Variants in FHIP1A observed in about 807,000 individuals in gnomAD.
FHIP1A encodes FHF complex subunit HOOK interacting protein 1A.
Under a neutral mutation model 88.6 loss-of-function variants are expected in FHIP1A, and 61 were observed. The ratio of observed to expected loss-of-function variants is 0.69; its 90% CI spans 0.56 to 0.85. FHIP1A has a LOEUF of 0.85. Among genes scored for constraint, FHIP1A ranks in the 40% least tolerant of loss-of-function variants. The pLI is 0.00. For missense variants in FHIP1A, 1,154 were observed against 1,273.5 expected (o/e 0.91, Z 1.43); for synonymous variants, 478 against 496.0 (o/e 0.96, Z 0.48).
rs962759440 is a variant in FHIP1A, at chr4:151,586,898, A to C, written c.891+99A>C. 12 of 930,096 alleles carry C rather than the reference A, an allele frequency of 1.3e-5. No homozygotes were observed. The African/African-American group carries it at 2.0e-4, about 15-fold the overall frequency. The allele number at this position is 930,096 out of a possible 1,614,324, so 57.6% of individuals were successfully genotyped here. A position where few individuals can be genotyped will look rare whatever the true frequency, so the allele number is the denominator to read the frequency against. The stretch of plus-strand genomic sequence containing the variant: ...AAAACGTTCATTTTTTAAAATGTTA[A>C]TAAATGTTTATGGAATATTGGTGCT... On this transcript the variant is annotated intron_variant, in intron 6 of 13. Transcript: ENST00000435205.
At position 151,629,816 on chromosome 4, in the gene FHIP1A, G is replaced by A. The variant is rs1324578136; in HGVS notation, c.1093G>A (p.Glu365Lys). The A allele has an allele frequency of 6.4e-6, 10 of 1,551,336 alleles. No individual in the cohort carries two copies. The highest frequency in any genetic ancestry group is 2.4e-5 in the East Asian group (1 of 40,934). The change falls in exon 8 of 14, where the codon GAG becomes AAG. Residue 365 changes from glutamate (E) to lysine (K), a missense_variant. By Grantham distance (56) the Glu-to-Lys change is moderately conservative. Transcript: ENST00000435205. Reference sequence around the variant, plus strand: ...CCGTTTTATCCTATTGCACCAGCACGAGAATGTCCACATCCTAGACACTCT... The same window carrying A: ...CCGTTTTATCCTATTGCACCAGCACAAGAATGTCCACATCCTAGACACTCT... Reference protein sequence around the residue: ...FLRFILLHQHENVHILDTLTS... With the variant: ...FLRFILLHQHKNVHILDTLTS...
chr4:151,474,231 A>G (rs1195950106), intron 2 of FHIP1A, among the ~76,000 whole-genome samples: 5 of 152,182 alleles, frequency 3.3e-5, no homozygotes, highest in African/African-American at 1.2e-4. Flanking sequence ...GATTTTATTT[A>G]CTATTTAGAA....
rs1212755376 is a variant in FHIP1A at position 151,575,563 on chromosome 4, G to A, written c.106-1887G>A. The stretch of plus-strand genomic sequence containing the variant: ...CTGTCTTGTGGCCACTAGTCAGTGG[G>A]CCAGGTACTCCCTGGGTAGGGGCTA... On this transcript the variant is annotated intron_variant, in intron 4 of 13. Transcript: ENST00000435205. Among the ~76,000 whole-genome samples, 5 of 152,092 alleles carry A rather than the reference G, an allele frequency of 3.3e-5. 1 individual carries two copies. Among genetic ancestry groups the A allele is most frequent in the Non-Finnish European group, 7.4e-5 (5 of 68,018 alleles).
intron 9 of FHIP1A, among the ~76,000 whole-genome samples, chr4:151,641,403 T>C (rs957423789): frequency 3.0e-4 from 46 of 152,360 alleles, no homozygotes; most frequent in African/African-American, 1.1e-3. Flanking sequence ...TGGTGATGTT[T>C]GTGAAAATGT....
intron 3 of FHIP1A, among the ~76,000 whole-genome samples, chr4:151,537,067 A>G (rs762771832): frequency 4.6e-5 from 7 of 151,948 alleles, no homozygotes; most frequent in Non-Finnish European, 1.0e-4. Context: ...TGGTAGAGAC[A>G]GAGTTTCACC....
At chr4:151,564,583 A>C (rs567024618) in intron 3 of FHIP1A, among the ~76,000 whole-genome samples, 3 of 152,188 alleles carry the variant, frequency 2.0e-5, no homozygotes, top group Non-Finnish European at 4.4e-5. Flanking sequence ...AATAGTAGCA[A>C]AGGACTATGG....
intron 1 of FHIP1A, among the ~76,000 whole-genome samples, chr4:151,433,418 TGTAAGCCC>T (rs1035661706): frequency 1.1e-4 from 16 of 151,584 alleles, no homozygotes; most frequent in African/African-American, 3.4e-4. Context: ...ACTCCAGGAA[TGTAAGCCC>T]AGATGACTGG....
chr4:151,568,120 A>C (rs895855290), intron 4 of FHIP1A, among the ~76,000 whole-genome samples: 1 of 152,194 alleles, frequency 6.6e-6, no homozygotes, highest in Admixed American at 6.5e-5. Flanking sequence ...GTGCCAGTAC[A>C]TTGTGTCACA....
chr4:151,486,339 C>T (rs934261378), intron 3 of FHIP1A, among the ~76,000 whole-genome samples: 1 of 152,110 alleles, frequency 6.6e-6, no homozygotes, highest in African/African-American at 2.4e-5. Flanking sequence ...ATTACGGGTT[C>T]TCAAACTGTG....
rs916005264 is a variant in FHIP1A, at chr4:151,656,131, C to G, written c.2552-101C>G. 20 of 919,240 alleles carry G rather than the reference C, an allele frequency of 2.2e-5. No individual in the cohort carries two copies. Among genetic ancestry groups the G allele is most frequent in the Non-Finnish European group, 3.3e-5 (20 of 603,282 alleles). The allele number at this position is 919,240 out of a possible 1,614,324, so 56.9% of individuals were successfully genotyped here. Reference sequence around the variant, plus strand: ...TGTGTCTGGCTTGCACCTGTGGGCCCATGGTGGTTTGGGAGATGTGGCACC... The same window carrying G: ...TGTGTCTGGCTTGCACCTGTGGGCCGATGGTGGTTTGGGAGATGTGGCACC... On this transcript the variant is annotated intron_variant, in intron 11 of 13. Coordinates refer to ENST00000435205, the MANE Select transcript of FHIP1A (RefSeq NM_001109977.3). This position sits in a 1 kb window ranked among gnomAD's most constrained non-coding sequence, Gnocchi z 4.2.
intron 3 of FHIP1A, among the ~76,000 whole-genome samples, chr4:151,483,334 T>G (rs1348699779): frequency 6.6e-6 from 1 of 151,984 alleles, no homozygotes; most frequent in Non-Finnish European, 1.5e-5. Context: ...TTGCAATATT[T>G]CCCAAAGTGT....
intron 3 of FHIP1A, among the ~76,000 whole-genome samples, chr4:151,518,368 C>G (rs2126690267): frequency 6.6e-6 from 1 of 152,146 alleles, no homozygotes; most frequent in South Asian, 2.1e-4. Context: ...AAAGTATACT[C>G]TATGATATTT....
At chr4:151,463,376 G>A (rs1440507640) in intron 2 of FHIP1A, among the ~76,000 whole-genome samples, 1 of 152,122 alleles carries the variant, frequency 6.6e-6, no homozygotes, top group Non-Finnish European at 1.5e-5. Context: ...GCTTTGAAGA[G>A]GTTCTTATTA....
At chr4:151,491,335 C>G (rs1402296759) in intron 3 of FHIP1A, among the ~76,000 whole-genome samples, 2 of 152,156 alleles carry the variant, frequency 1.3e-5, no homozygotes, top group Non-Finnish European at 2.9e-5. Flanking sequence ...GGGGTCCTAT[C>G]TTTAGCTTCC....
In FHIP1A at chr4:151,669,141, T is replaced by A. The variant is rs1219753520; in HGVS notation, c.*6387T>A. On this transcript the variant is annotated 3_prime_UTR_variant, in exon 14 of 14. Transcript: ENST00000435205. ...TTCTTGGGGTGTTAATGTAAACATA[T>A]CTTTAGAATATCTCATCGGGTTTCA... Among the ~76,000 whole-genome samples, 2 of 152,232 alleles carry A rather than the reference T, an allele frequency of 1.3e-5. No individual in the cohort carries two copies. The highest frequency in any genetic ancestry group is 4.8e-5 in the African/African-American group (2 of 41,454).
At chr4:151,495,913 G>A (rs1377091840) in intron 3 of FHIP1A, among the ~76,000 whole-genome samples, 1 of 152,086 alleles carries the variant, frequency 6.6e-6, no homozygotes, top group Non-Finnish European at 1.5e-5. Flanking sequence ...ATGAGCCACT[G>A]TGCCTGGCCT....
chr4:151,416,402 G>C (rs1178081127), intron 1 of FHIP1A, among the ~76,000 whole-genome samples: 2 of 151,918 alleles, frequency 1.3e-5, no homozygotes, highest in Non-Finnish European at 2.9e-5. Context: ...ATTCATTTTA[G>C]GTTGATTTTC....
chr4:151,644,289 C>G (rs1048164497), intron 9 of FHIP1A, among the ~76,000 whole-genome samples: 1 of 151,776 alleles, frequency 6.6e-6, no homozygotes, highest in South Asian at 2.1e-4. Flanking sequence ...AAACCCCCCA[C>G]CCAACACAAA....
intron 1 of FHIP1A, among the ~76,000 whole-genome samples, chr4:151,432,351 A>C (rs1733623569): frequency 1.3e-5 from 2 of 152,186 alleles, no homozygotes; most frequent in African/African-American, 4.8e-5. Context: ...TCATTCATCT[A>C]GTCATGAATT....
Sources: gnomAD v4.1 joint callset for allele counts (sites outside exome capture counted in the v4.1 genomes callset) on GRCh38, gnomAD v4.1.1 for gene constraint, Gnocchi (gnomAD v3.1) non-coding constraint, MANE v1.5 for transcripts, NCBI Gene and HGNC (gene_info 2026-07-23, HGNC 2026-07-21) for gene names.